The following CSMD3 variants were observed in gnomAD, a reference collection of about 807,000 sequenced individuals.
CSMD3 encodes the protein CUB and Sushi multiple domains 3.
Under a neutral mutation model 435.2 loss-of-function variants are expected in CSMD3, and 177 were observed. That is an observed-to-expected ratio of 0.41 (90% CI 0.36 to 0.46). CSMD3 has a LOEUF of 0.46. Ranked by LOEUF, CSMD3 falls within the 20% of genes least tolerant of loss-of-function variation. CSMD3 has a pLI of 0.34. For synonymous variants in CSMD3, 1,656 were observed against 1,520.5 expected (o/e 1.09, Z -2.07); for missense variants, 4,265 against 4,504.6 (o/e 0.95, Z 1.52).
chr8:112,973,042 T>G (rs934199139), intron 7 of CSMD3, among the ~76,000 whole-genome samples: 1 of 151,938 alleles, frequency 6.6e-6, no homozygotes, highest in Non-Finnish European at 1.5e-5. Flanking sequence ...TAAATTGTGT[T>G]TTGCAAAATA....
intron 12 of CSMD3, among the ~76,000 whole-genome samples, chr8:112,801,362 A>G (rs2078958839): frequency 1.3e-5 from 2 of 152,066 alleles, no homozygotes; most frequent in Admixed American, 1.3e-4. Flanking sequence ...CTATTAAAAC[A>G]AACCTCATTT....
intron 10 of CSMD3, among the ~76,000 whole-genome samples, chr8:112,911,289 T>C (rs983300889): frequency 4.0e-5 from 6 of 151,854 alleles, no homozygotes; most frequent in Non-Finnish European, 7.4e-5. Flanking sequence ...TAAGATACAA[T>C]TGACAAATAA....
intron 1 of CSMD3, among the ~76,000 whole-genome samples, chr8:113,402,604 T>TATC (rs900257703): frequency 2.2e-4 from 34 of 151,400 alleles, no homozygotes; most frequent in Admixed American, 7.2e-4. Context: ...TCTTATTTAA[T>TATC]ATCATCATCA....
chr8:113,113,826 T>G (rs1564330608), intron 4 of CSMD3, among the ~76,000 whole-genome samples: 2 of 152,180 alleles, frequency 1.3e-5, no homozygotes, highest in African/African-American at 2.4e-5. Flanking sequence ...TTCTTTGAAA[T>G]GAACACAATT....
At chr8:113,061,402 T>C (rs1364667140) in intron 5 of CSMD3, among the ~76,000 whole-genome samples, 10 of 152,010 alleles carry the variant, frequency 6.6e-5, no homozygotes, top group Non-Finnish European at 1.5e-4. Context: ...AGAGTAGATA[T>C]GTGAGTCAGG....
chr8:113,390,601 A>T (rs888795355), intron 1 of CSMD3, among the ~76,000 whole-genome samples: 4 of 151,788 alleles, frequency 2.6e-5, no homozygotes, highest in Non-Finnish European at 5.9e-5. Context: ...AGAAAATATC[A>T]CTCCTCTAAA....
chr8:112,587,525 C>A (rs1023767153), intron 22 of CSMD3, among the ~76,000 whole-genome samples: 1 of 151,666 alleles, frequency 6.6e-6, no homozygotes, highest in Non-Finnish European at 1.5e-5. Flanking sequence ...AGAGCATGAA[C>A]TTAAGAATGT....
At chr8:113,141,854 G>A (rs918221456) in intron 4 of CSMD3, among the ~76,000 whole-genome samples, 6 of 151,088 alleles carry the variant, frequency 4.0e-5, no homozygotes, top group Non-Finnish European at 7.4e-5. Flanking sequence ...AATAACATTT[G>A]CAGATGTTAT....
In CSMD3 at chr8:112,337,700, G is replaced by A. The variant is rs756325754; in HGVS notation, c.6684C>T (p.Arg2228=). The change falls in exon 43 of 71, where the codon CGC becomes CGT. Residue 2228 remains arginine (R), a synonymous_variant. Transcript: ENST00000297405. The part of the protein sequence containing the change: ...AYQLQSCPDP[R]PFRNGFVIGN... ...CAATTACAAAACCATTTCGAAACGG[G>A]CGTGGATCAGGACAGCTTTGCAACT... The A allele has an allele frequency of 4.3e-6, 7 of 1,613,730 alleles. No individual in the cohort carries two copies. The highest frequency in any genetic ancestry group is 2.2e-5 in the East Asian group (1 of 44,846).
intron 30 of CSMD3, 150 bp downstream of exon 30, chr8:112,503,640 G>A (rs1271753550): frequency 3.8e-6 from 2 of 519,880 alleles, no homozygotes; most frequent in African/African-American, 3.9e-5. Flanking sequence ...ATTCTACAGT[G>A]AGAACGCTTT....
intron 12 of CSMD3, among the ~76,000 whole-genome samples, chr8:112,814,515 G>T (rs186156289): frequency 1.4e-3 from 208 of 152,260 alleles, no homozygotes; most frequent in African/African-American, 4.6e-3. Flanking sequence ...GGGTGCAGTG[G>T]CTCATGCCTG....
At chr8:112,606,218 G>A (rs1832779450) in intron 22 of CSMD3, among the ~76,000 whole-genome samples, 1 of 152,184 alleles carries the variant, frequency 6.6e-6, no homozygotes, top group Non-Finnish European at 1.5e-5. Context: ...TTGATGCCAA[G>A]AGAAGCCCCT....
intron 2 of CSMD3, among the ~76,000 whole-genome samples, chr8:113,294,563 A>G (rs1012207103): frequency 6.6e-6 from 1 of 152,154 alleles, no homozygotes; most frequent in Non-Finnish European, 1.5e-5. Flanking sequence ...GAGTGTATCC[A>G]AATTATTCTG....
chr8:112,772,484 C>T (rs2078144459), intron 13 of CSMD3, among the ~76,000 whole-genome samples: 1 of 152,080 alleles, frequency 6.6e-6, no homozygotes, highest in Non-Finnish European at 1.5e-5. Flanking sequence ...GCCGCAGGGA[C>T]CTCTGCCTAG....
At chr8:112,640,383 A>G (rs75685009) in intron 20 of CSMD3, among the ~76,000 whole-genome samples, 1 of 152,150 alleles carries the variant, frequency 6.6e-6, no homozygotes, top group African/African-American at 2.4e-5. Context: ...ATTCATTTAC[A>G]TTTTAGTTCC....
rs150824289 is a variant in CSMD3, at chr8:112,415,333, C to T, written c.5396-6301G>A. Among the ~76,000 whole-genome samples, 1,219 of 152,360 alleles carry T rather than the reference C, an allele frequency of 8.0e-3. 24 individuals are homozygous for T. Among genetic ancestry groups the T allele is most frequent in the African/African-American group, 0.027 (1,132 of 41,580 alleles). On this transcript the variant is annotated intron_variant, in intron 32 of 70. Transcript: ENST00000297405. ...ACTTCAAAGGGTGCAAGTCCCAAGCCTTGGCAGCTTTCACACGGTGTTGAG... is the reference window on the plus strand; with the variant it reads ...ACTTCAAAGGGTGCAAGTCCCAAGCTTTGGCAGCTTTCACACGGTGTTGAG...
intron 13 of CSMD3, among the ~76,000 whole-genome samples, chr8:112,712,457 G>C (rs939941040): frequency 1.3e-5 from 2 of 152,152 alleles, no homozygotes; most frequent in South Asian, 4.2e-4. Flanking sequence ...TTATACACAG[G>C]GTTGGATTTA....
At chr8:112,349,347 CAAAAAG>C (rs2131042467) in intron 40 of CSMD3, among the ~76,000 whole-genome samples, 1 of 151,816 alleles carries the variant, frequency 6.6e-6, no homozygotes, top group East Asian at 1.9e-4. Context: ...ACGTTAACAT[CAAAAAG>C]AAAAACATTA....
chr8:112,313,885 GAAGTTAT>G lies in CSMD3; in HGVS notation c.7696+14_7696+20del, dbSNP rs1172378934. Reference sequence around the variant, plus strand: ...CGAAGATGATAGTGAGATCTGTCCTGAAGTTATAAGTTTTACATACCTATATATCTTA... The same window carrying G: ...CGAAGATGATAGTGAGATCTGTCCTGAAGTTTTACATACCTATATATCTTA... On this transcript the variant is annotated intron_variant, in intron 49 of 70. Coordinates refer to ENST00000297405, the MANE Select transcript of CSMD3 (RefSeq NM_198123.2). The G allele has an allele frequency of 6.3e-7, 1 of 1,584,920 alleles. No homozygotes were observed. Among genetic ancestry groups the G allele is most frequent in the Non-Finnish European group, 8.7e-7 (1 of 1,154,450 alleles).
Sources: allele counts gnomAD v4.1 joint callset (sites outside exome capture counted in the v4.1 genomes callset), GRCh38; gene constraint gnomAD v4.1.1; transcripts MANE v1.5; gene names NCBI Gene and HGNC (gene_info 2026-07-23, HGNC 2026-07-21).